PMP22: variants seen among roughly 807,000 people sequenced by gnomAD.
PMP22 encodes the protein peripheral myelin protein 22, also known as Charcot-Marie-Tooth neuropathy 1A (greatly reduced nerve conduction velocity, hereditary motor sensory neuropathy Ia).
In PMP22, 2 loss-of-function variants were observed where a neutral mutation model predicts 18.9. The ratio of observed to expected loss-of-function variants is 0.11; its 90% CI spans 0.04 to 0.33. The LOEUF (loss-of-function observed/expected upper bound fraction) is 0.33, where lower values mean the gene tolerates loss of function less well. Among genes scored for constraint, PMP22 ranks in the 10% least tolerant of loss-of-function variants. PMP22 has a pLI of 1.00. For synonymous variants in PMP22, 95 were observed against 89.2 expected (o/e 1.07, Z -0.37); for missense variants, 169 against 202.2 (o/e 0.84, Z 1.00).
rs1909054421 is a variant in PMP22, at chr17:15,258,852, G to A, written c.178+242C>T. On this transcript the variant is annotated intron_variant, in intron 3 of 4. Coordinates refer to ENST00000312280, the MANE Select transcript of PMP22 (RefSeq NM_000304.4). The surrounding 1 kb of genome is among the most constrained non-coding windows in gnomAD (Gnocchi z 4.1). ...CAAAAAGCATTATCCTAAGTGATCA[G>A]GAGGGCACTAAGGGCATGTCTCTAG... 2 of 573,536 alleles carry A rather than the reference G, an allele frequency of 3.5e-6. No individual in the cohort carries two copies. The allele number at this position is 573,536 out of a possible 1,614,324, so 35.5% of individuals were successfully genotyped here. A position where few individuals can be genotyped will look rare whatever the true frequency, so the allele number is the denominator to read the frequency against.
At position 15,258,893 on chromosome 17, in the gene PMP22, A is replaced by G. The variant is rs1479874981; in HGVS notation, c.178+201T>C. The stretch of plus-strand genomic sequence containing the variant: ...ATGTCTCTAGGTAGAGTGAATCACA[A>G]TGATGCCCAGGATCTCAGCTTCCCC... On this transcript the variant is annotated intron_variant, in intron 3 of 4. Coordinates refer to ENST00000312280, the MANE Select transcript of PMP22 (RefSeq NM_000304.4). This position sits in a 1 kb window ranked among gnomAD's most constrained non-coding sequence, Gnocchi z 4.1. 1.2e-5 allele frequency: 8 copies of G among 648,798 alleles called. No individual in the cohort carries two copies. Among genetic ancestry groups the G allele is most frequent in the Non-Finnish European group, 2.0e-5 (7 of 355,984 alleles). 40.2% of individuals were successfully genotyped at this position (648,798 alleles called of 1,614,324 possible).
At chr17:15,260,353 AG>A (rs745685015) in intron 2 of PMP22, 12 of 453,644 alleles carry the variant, frequency 2.6e-5, no homozygotes, top group South Asian at 1.3e-4. Context: ...GAAAAAAAAA[AG>A]TTAAACAATC....
Position 15,261,475 on chromosome 17 carries a change from G to T in PMP22, c.-34-714C>A, listed in dbSNP as rs549817665. The T allele has an allele frequency of 6.6e-6, 1 of 152,570 alleles. No individual in the cohort carries two copies. The highest frequency in any genetic ancestry group is 2.4e-5 in the African/African-American group (1 of 41,574). 9.5% of individuals were successfully genotyped at this position (152,570 alleles called of 1,614,324 possible). ...CTCGAGAGGGTTGCCCGGACCCTGCGCTTCCCGTCCACCGCGCGCTTCCCC... is the reference window on the plus strand; with the variant it reads ...CTCGAGAGGGTTGCCCGGACCCTGCTCTTCCCGTCCACCGCGCGCTTCCCC... On this transcript the variant is annotated intron_variant, in intron 1 of 4. Transcript: ENST00000312280. The surrounding 1 kb of genome is among the most constrained non-coding windows in gnomAD (Gnocchi z 5.2).
chr17:15,243,565 C>G (rs61611607), intron 3 of PMP22, among the ~76,000 whole-genome samples: 3,033 of 151,178 alleles, frequency 0.02, 96 homozygotes, highest in African/African-American at 0.07. Context: ...TACCACCTAC[C>G]AGATTTAAAA....
chr17:15,236,260 A>G (rs1906801929), intron 4 of PMP22, among the ~76,000 whole-genome samples: 1 of 152,142 alleles, frequency 6.6e-6, no homozygotes, highest in African/African-American at 2.4e-5. Context: ...TGGAGACCCC[A>G]CACAACACAC....
intron 3 of PMP22, among the ~76,000 whole-genome samples, chr17:15,240,098 C>T (rs9899103): frequency 0.032 from 4,883 of 152,242 alleles, 253 homozygotes; most frequent in African/African-American, 0.11. Flanking sequence ...ATTGAATTTC[C>T]TTCCAGTGTT....
intron 1 of PMP22, among the ~76,000 whole-genome samples, chr17:15,262,961 T>C (rs1909460868): frequency 6.6e-6 from 1 of 152,192 alleles, no homozygotes; most frequent in Non-Finnish European, 1.5e-5. Context: ...GCTGGATTCC[T>C]TTCCCACTAA....
Position 15,257,400 on chromosome 17 carries a change from C to T in PMP22, c.178+1694G>A, listed in dbSNP as rs369312625. Among the ~76,000 whole-genome samples the T allele has an allele frequency of 7.9e-5, 12 of 152,356 alleles. No individual in the cohort carries two copies. In the East Asian group the frequency reaches 1.7e-3, roughly 22 times the overall value. ...GGTTTTAACACGCCTGCCAAAACTG[C>T]CCCCTTCCGGGCCCAAGAGTCCAGG... On this transcript the variant is annotated intron_variant, in intron 3 of 4. Transcript: ENST00000312280.
At chr17:15,256,244 C>G (rs891512788) in intron 3 of PMP22, among the ~76,000 whole-genome samples, 2 of 152,174 alleles carry the variant, frequency 1.3e-5, no homozygotes, top group Non-Finnish European at 2.9e-5. Flanking sequence ...CCTCATGGCA[C>G]GATGCCAGGA....
chr17:15,264,358 A>G (rs231015), intron 1 of PMP22, among the ~76,000 whole-genome samples: 58,832 of 152,092 alleles, frequency 0.39, 12,786 homozygotes, highest in Non-Finnish European at 0.49. Flanking sequence ...GTCATTTTAT[A>G]AGTTAGATTT....
Position 15,239,509 on chromosome 17 carries a change from C to A in PMP22, c.281G>T (p.Gly94Val), listed in dbSNP as rs1305424913. The change falls in exon 4 of 5, where the codon GGC (glycine) becomes GTC (valine). Residue 94 changes from glycine to valine, a missense_variant. Gly to Val is a moderately radical substitution (Grantham distance 109). Transcript: ENST00000312280. ...GAAGATTCCAGTGATGTAAAACCTG[C>A]CCCCCTTGGTGAGGGTGAAGAGTTG... ...FCQLFTLTKG[G>V]RFYITGIFQI... 2 of 1,614,058 alleles carry A rather than the reference C, an allele frequency of 1.2e-6. No homozygotes were observed. The highest frequency in any genetic ancestry group is 2.7e-5 in the African/African-American group (2 of 75,046).
intron 3 of PMP22, 60 bp from the exon 4 acceptor site, chr17:15,239,671 C>T (rs1034145433): frequency 4.7e-5 from 74 of 1,588,528 alleles, no homozygotes; most frequent in Non-Finnish European, 5.9e-5. Context: ...GGCTCTGCCT[C>T]GAGGTGCAGG....
chr17:15,248,157 G>C (rs944021075), intron 3 of PMP22, among the ~76,000 whole-genome samples: 3 of 152,218 alleles, frequency 2.0e-5, no homozygotes, highest in African/African-American at 7.2e-5. Flanking sequence ...TTCTCCCCCA[G>C]CTGGTGGCTT....
In PMP22 at chr17:15,242,338, C is replaced by CA. The variant is rs1249641340; in HGVS notation, c.179-2728dup. Among the ~76,000 whole-genome samples, 31 of 135,348 alleles carry CA rather than the reference C, an allele frequency of 2.3e-4. No individual in the cohort carries two copies. In the South Asian group the frequency reaches 4.0e-3, roughly 18 times the overall value. 88.8% of individuals were successfully genotyped at this position (135,348 alleles called of 152,430 possible). A position where few individuals can be genotyped will look rare whatever the true frequency, so the allele number is the denominator to read the frequency against. On this transcript the variant is annotated intron_variant, in intron 3 of 4. Transcript: ENST00000312280. Reference sequence around the variant, plus strand: ...ACCTAAAACAAGCAACAGTCAAAAACAAAAAAGATTCTGAAAAGAAGCTTC... The same window carrying CA: ...ACCTAAAACAAGCAACAGTCAAAAACAAAAAAAGATTCTGAAAAGAAGCTTC...
intron 3 of PMP22, among the ~76,000 whole-genome samples, chr17:15,241,831 T>C (rs948894749): frequency 2.0e-5 from 3 of 152,198 alleles, no homozygotes; most frequent in Non-Finnish European, 4.4e-5. Flanking sequence ...CCTACTGCTT[T>C]GAGCCAAGCC....
In PMP22 at chr17:15,237,895, C is replaced by T. The variant is rs1027846483; in HGVS notation, c.319+1576G>A. 2.0e-5 allele frequency among the ~76,000 whole-genome samples: 3 copies of T among 151,954 alleles called. No homozygotes were observed. In the East Asian group the frequency reaches 5.8e-4, roughly 29 times the overall value. Reference sequence around the variant, plus strand: ...TGAAACTAACATTTCAATAGAAATACATTATGAAAGTTCTGGTTCTAAATC... The same window carrying T: ...TGAAACTAACATTTCAATAGAAATATATTATGAAAGTTCTGGTTCTAAATC... On this transcript the variant is annotated intron_variant, in intron 4 of 4. Coordinates refer to ENST00000312280, the MANE Select transcript of PMP22 (RefSeq NM_000304.4).
chr17:15,232,810 AT>A lies in PMP22; in HGVS notation c.320-1731del, dbSNP rs148381058. On this transcript the variant is annotated intron_variant, in intron 4 of 4. Coordinates refer to ENST00000312280, the MANE Select transcript of PMP22 (RefSeq NM_000304.4). ...TGACTAAGAGGAGATACCAGATTCC[AT>A]CCTTGAACAAGAGGGATAGAAAGAG... 3.5e-3 allele frequency among the ~76,000 whole-genome samples: 531 copies of A among 152,302 alleles called. 5 individuals carry two copies. Among genetic ancestry groups the A allele is most frequent in the African/African-American group, 0.012 (510 of 41,562 alleles).
In PMP22 at chr17:15,259,253, G is replaced by T. The variant is rs1909096493; in HGVS notation, c.79-60C>A. On this transcript the variant is annotated intron_variant, in intron 2 of 4. Coordinates refer to ENST00000312280, the MANE Select transcript of PMP22 (RefSeq NM_000304.4). ...AGGGAGGGAGGAGTGAAGGAAAAGG[G>T]GAAGGAGAAAGGCCCAGGGATGGCG... 4 of 1,392,378 alleles carry T rather than the reference G, an allele frequency of 2.9e-6. No individual in the cohort carries two copies. In the Admixed American group the frequency reaches 5.1e-5, roughly 18 times the overall value. The allele number at this position is 1,392,378 out of a possible 1,614,324, so 86.3% of individuals were successfully genotyped here.
intron 3 of PMP22, among the ~76,000 whole-genome samples, chr17:15,248,688 C>T (rs947186784): frequency 2.0e-5 from 3 of 152,192 alleles, no homozygotes; most frequent in Middle Eastern, 3.4e-3. Context: ...GGAAGACTTA[C>T]TCCACCAGAT....
Sources: allele counts gnomAD v4.1 joint callset (sites outside exome capture counted in the v4.1 genomes callset), GRCh38; gene constraint gnomAD v4.1.1; non-coding constraint Gnocchi (gnomAD v3.1); transcripts MANE v1.5; gene names NCBI Gene and HGNC (gene_info 2026-07-23, HGNC 2026-07-21).